Variants in WDR43 observed in about 807,000 individuals in gnomAD.
WDR43 encodes WD repeat-containing protein 43.
In WDR43, 13 loss-of-function variants were observed where a neutral mutation model predicts 91.4. The observed-to-expected ratio is 0.14, with a 90% CI of 0.09 to 0.23. WDR43 has a LOEUF of 0.23. Ranked by LOEUF, WDR43 falls within the 10% of genes least tolerant of loss-of-function variation. The pLI, the probability that WDR43 is intolerant of heterozygous loss-of-function variation, is 1.00. For missense variants in WDR43, 780 were observed against 809.4 expected, an observed-to-expected ratio of 0.96 and a Z score of 0.44; for synonymous variants, 331 against 287.9, an observed-to-expected ratio of 1.15 and a Z score of -1.51.
chr2:28,921,086 T>G (rs1215857705), intron 6 of WDR43, among the ~76,000 whole-genome samples: 1 of 152,070 alleles, frequency 6.6e-6, no homozygotes, highest in Admixed American at 6.6e-5. Context: ...GCATTATATT[T>G]AAAATTATTG....
intron 11 of WDR43, 134 bp downstream of exon 11, chr2:28,929,844 A>G: frequency 1.0e-6 from 1 of 954,340 alleles, no homozygotes; most frequent in Non-Finnish European, 1.6e-6. Context: ...GAGTTTAGTC[A>G]AACATGTATC....
chr2:28,919,234 G>T (rs1353791775), intron 6 of WDR43, among the ~76,000 whole-genome samples: 1 of 152,148 alleles, frequency 6.6e-6, no homozygotes, highest in African/African-American at 2.4e-5. Context: ...TTCCAGCCTG[G>T]GTGACAGTGA....
chr2:28,911,581 A>G (rs1670800997), intron 3 of WDR43, among the ~76,000 whole-genome samples: 2 of 151,440 alleles, frequency 1.3e-5, no homozygotes, highest in African/African-American at 4.9e-5. Context: ...GGCATGAGCC[A>G]CCGCGCCCAG....
chr2:28,903,530 A>G (rs1670616156), intron 2 of WDR43, among the ~76,000 whole-genome samples: 1 of 152,218 alleles, frequency 6.6e-6, no homozygotes, highest in Admixed American at 6.5e-5. Context: ...TTAAGTTTGC[A>G]TTTAGGAATG....
intron 1 of WDR43, among the ~76,000 whole-genome samples, chr2:28,897,509 C>T (rs1466484577): frequency 6.6e-6 from 1 of 152,068 alleles, no homozygotes; most frequent in African/African-American, 2.4e-5. Context: ...TCAAATTAGG[C>T]AATGTATGTG....
At position 28,929,717 on chromosome 2, in the gene WDR43, A is replaced by G. The variant is rs1671207578; in HGVS notation, c.1437+7A>G. On this transcript the variant is annotated splice_region_variant and intron_variant, in intron 11 of 17. Transcript: ENST00000407426. ...CGATTTTGAAATGCTAAATGTAAGTATATAGCAATTTTTAACTAAATTAAC... is the reference window on the plus strand; with the variant it reads ...CGATTTTGAAATGCTAAATGTAAGTGTATAGCAATTTTTAACTAAATTAAC... 2 of 1,608,014 alleles carry G rather than the reference A, an allele frequency of 1.2e-6. No individual in the cohort carries two copies. The highest frequency in any genetic ancestry group is 1.3e-5 in the African/African-American group (1 of 74,600).
intron 10 of WDR43, among the ~76,000 whole-genome samples, chr2:28,928,864 A>G (rs1200336828): frequency 2.6e-5 from 4 of 151,872 alleles, no homozygotes; most frequent in Non-Finnish European, 5.9e-5. Context: ...TTATAGAGAC[A>G]GAGTTTTGCC....
chr2:28,908,411 C>T (rs975874536), intron 3 of WDR43, among the ~76,000 whole-genome samples: 2 of 152,174 alleles, frequency 1.3e-5, no homozygotes, highest in Non-Finnish European at 2.9e-5. Flanking sequence ...GTAGCAGACA[C>T]AGTAGTTTCT....
rs779420743 is a variant in WDR43, at chr2:28,894,716, C to A, written c.18C>A (p.Gly6=). 3 of 1,562,144 alleles carry A rather than the reference C, an allele frequency of 1.9e-6. No homozygotes were observed. The highest frequency in any genetic ancestry group is 3.9e-5 in the Admixed American group (2 of 51,836). MAAGG[G]GSCDPLAPAG... is the part of the protein sequence containing the mutation. The stretch of plus-strand genomic sequence containing the variant: ...GAGCAGCAATGGCGGCGGGCGGCGG[C>A]GGTAGCTGCGACCCCCTGGCCCCTG... The change falls in exon 1 of 18, where the codon GGC becomes GGA. Residue 6 remains glycine, a synonymous_variant. Transcript: ENST00000407426.
At position 28,946,580 on chromosome 2, in the gene WDR43, CTTG is replaced by C. The variant is rs775397707; in HGVS notation, c.1855-16_1855-14del. The C allele has an allele frequency of 2.2e-5, 34 of 1,568,784 alleles. No homozygotes were observed. The highest frequency in any genetic ancestry group is 2.9e-5 in the Non-Finnish European group (33 of 1,155,234). ...GAATGAGACCTTCATGAATGCTTTC[CTTG>C]TTGGTATTTCGACTAGGATAATTGG... On this transcript the variant is annotated splice_polypyrimidine_tract_variant and intron_variant, in intron 17 of 17. Transcript: ENST00000407426.
At chr2:28,933,196 T>C (rs970107558) in intron 11 of WDR43, among the ~76,000 whole-genome samples, 4 of 152,010 alleles carry the variant, frequency 2.6e-5, no homozygotes, top group African/African-American at 9.7e-5. Flanking sequence ...AAAGAAATGG[T>C]AAAATAAAGA....
chr2:28,915,671 G>A (rs919397563), intron 5 of WDR43, among the ~76,000 whole-genome samples: 11 of 152,144 alleles, frequency 7.2e-5, no homozygotes, highest in African/African-American at 1.4e-4. Context: ...TAGGTAGAGC[G>A]GGCCTAAAGT....
Position 28,946,741 on chromosome 2 carries a change from T to C in WDR43, c.1996T>C (p.Ser666Pro), listed in dbSNP as rs372390206. 6.3e-7 allele frequency: 1 copy of C among 1,586,942 alleles called. No homozygotes were observed. Among genetic ancestry groups the C allele is most frequent in the Non-Finnish European group, 8.6e-7 (1 of 1,166,858 alleles). Residue 666 changes from serine (S) to proline (P), a missense_variant, in exon 18 of 18, where the codon TCT (serine) becomes CCT (proline). Ser to Pro is a moderately conservative substitution (Grantham distance 74, BLOSUM62 -1). This residue lies in a region of WDR43 where 426 missense variants were observed against 467.8 expected (regional missense o/e 0.91). Coordinates refer to ENST00000407426, the MANE Select transcript of WDR43 (RefSeq NM_015131.3). ...AAGTGAAAAAGAATTAAATGGAGAT[T>C]CTGATTTAGATCCTGAAAATGAAAG... ...TASEKELNGD[S>P]DLDPENESEE...
chr2:28,906,436 T>A (rs1262065366), intron 2 of WDR43, 24 bp from the exon 3 acceptor site: 8 of 497,344 alleles, frequency 1.6e-5, no homozygotes, highest in East Asian at 2.8e-4. Flanking sequence ...AGCCTTAAAT[T>A]TTTTTTTTTT....
At chr2:28,921,770 G>A (rs1671031216) in intron 6 of WDR43, among the ~76,000 whole-genome samples, 1 of 152,094 alleles carries the variant, frequency 6.6e-6, no homozygotes, top group South Asian at 2.1e-4. Flanking sequence ...GGAGTGCAGT[G>A]GTGCCATCAA....
At chr2:28,901,811 C>T (rs1382463679) in intron 1 of WDR43, among the ~76,000 whole-genome samples, 176 bp from the exon 2 acceptor site, 3 of 152,118 alleles carry the variant, frequency 2.0e-5, no homozygotes, top group Non-Finnish European at 2.9e-5. Context: ...TTACGAGTTT[C>T]TCTTCCCATT....
intron 11 of WDR43, among the ~76,000 whole-genome samples, chr2:28,934,270 C>T (rs1469359074): frequency 2.0e-5 from 3 of 152,182 alleles, no homozygotes; most frequent in Non-Finnish European, 2.9e-5. Context: ...GCCTGGGAAT[C>T]GGGGTGGAAG....
intron 13 of WDR43, 25 bp from the exon 14 acceptor site, chr2:28,937,906 A>T (rs777092825): frequency 1.2e-6 from 2 of 1,611,500 alleles, no homozygotes; most frequent in Non-Finnish European, 1.7e-6. Flanking sequence ...TGTGAACATT[A>T]GTTTACTTGG....
rs199672332 is a variant in WDR43 at position 28,906,594 on chromosome 2, C to T, written c.485+13C>T. 142 of 1,609,954 alleles carry T rather than the reference C, an allele frequency of 8.8e-5. No homozygotes were observed. In the African/African-American group the frequency reaches 1.8e-3, roughly 21 times the overall value. On this transcript the variant is annotated intron_variant, in intron 3 of 17. Coordinates refer to ENST00000407426, the MANE Select transcript of WDR43 (RefSeq NM_015131.3). ...GCAAAGTAAAGTGGTGAGTAACATTCATGGTATCAGGAAATGCAATAGACG... is the reference window on the plus strand; with the variant it reads ...GCAAAGTAAAGTGGTGAGTAACATTTATGGTATCAGGAAATGCAATAGACG...
Sources: allele counts gnomAD v4.1 joint callset (sites outside exome capture counted in the v4.1 genomes callset), GRCh38; gene constraint gnomAD v4.1.1; regional missense constraint gnomAD v4.1.1; transcripts MANE v1.5; gene names NCBI Gene and HGNC (gene_info 2026-07-23, HGNC 2026-07-21).